TRIR: variants seen among roughly 807,000 people sequenced by gnomAD.
TRIR encodes telomerase RNA component-interacting RNase.
Under a neutral mutation model 18.2 loss-of-function variants are expected in TRIR, and 5 were observed. That is an observed-to-expected ratio of 0.27 (90% CI 0.14 to 0.58). The LOEUF is 0.58. TRIR is among the 20% of genes least tolerant of loss of function. The pLI, the probability that TRIR is intolerant of heterozygous loss-of-function variation, is 0.91. For synonymous variants in TRIR, 134 were observed against 114.4 expected (o/e 1.17, Z -1.10); for missense variants, 206 against 252.8 (o/e 0.81, Z 1.25).
At chr19:12,733,353 A>C (rs553886333) in intron 1 of TRIR, among the ~76,000 whole-genome samples, 9 of 152,312 alleles carry the variant, frequency 5.9e-5, no homozygotes, top group African/African-American at 1.7e-4. Context: ...CTTGATCTTA[A>C]CACCACAGAC....
chr19:12,731,788 T>C lies in TRIR; in HGVS notation c.346-367A>G, dbSNP rs925748797. 2.8e-5 allele frequency: 6 copies of C among 212,932 alleles called. No individual in the cohort carries two copies. The highest frequency in any genetic ancestry group is 4.6e-5 in the African/African-American group (2 of 43,260). 13.2% of individuals were successfully genotyped at this position (212,932 alleles called of 1,614,324 possible). ...TGCCAAGTGCTGTGGATGTATCATC[T>C]CCTTTCATTTTCACAGCTACCCTAA... is the stretch of plus-strand genomic sequence containing the variant. On this transcript the variant is annotated intron_variant, in intron 1 of 2. Coordinates refer to ENST00000242784, the MANE Select transcript of TRIR (RefSeq NM_024038.4). This position sits in a 1 kb window ranked among gnomAD's most constrained non-coding sequence, Gnocchi z 5.1.
At position 12,731,097 on chromosome 19, in the gene TRIR, G is replaced by C; in HGVS notation, c.424-29C>G. 1.3e-6 allele frequency: 2 copies of C among 1,582,306 alleles called. No homozygotes were observed. Among genetic ancestry groups the C allele is most frequent in the South Asian group, 1.1e-5 (1 of 90,290 alleles). ...TGGAAAGGGGATACGGGTTAGGACG[G>C]GGGTGCCAGGAACCAGGGTCAGGAC... On this transcript the variant is annotated intron_variant, in intron 2 of 2. Coordinates refer to ENST00000242784, the MANE Select transcript of TRIR (RefSeq NM_024038.4). This position sits in a 1 kb window ranked among gnomAD's most constrained non-coding sequence, Gnocchi z 5.1.
In TRIR at chr19:12,731,529, G is replaced by A. The variant is rs755503286; in HGVS notation, c.346-108C>T. 41 of 1,187,240 alleles carry A rather than the reference G, an allele frequency of 3.5e-5. No homozygotes were observed. Among genetic ancestry groups the A allele is most frequent in the African/African-American group, 3.1e-5 (2 of 64,774 alleles). The allele number at this position is 1,187,240 out of a possible 1,614,324, so 73.5% of individuals were successfully genotyped here. Reference sequence around the variant, plus strand: ...GCCCGGCCTGGTGGCCCGTCCTGACGCCGCGCCCAGCTCCGCCAGCCGGCC... The same window carrying A: ...GCCCGGCCTGGTGGCCCGTCCTGACACCGCGCCCAGCTCCGCCAGCCGGCC... On this transcript the variant is annotated intron_variant, in intron 1 of 2. Coordinates refer to ENST00000242784, the MANE Select transcript of TRIR (RefSeq NM_024038.4). This position sits in a 1 kb window ranked among gnomAD's most constrained non-coding sequence, Gnocchi z 5.1.
At position 12,731,319 on chromosome 19, in the gene TRIR, G is replaced by A. The variant is rs368117881; in HGVS notation, c.423+25C>T. The A allele has an allele frequency of 6.2e-6, 10 of 1,610,822 alleles. No homozygotes were observed. The African/African-American group carries it at 8.0e-5, about 13-fold the overall frequency. ...CTGGAAGGGAAAGGCAATGTGGGTGGACCCCCTGCACCAAGCTGGCTCACC... is the reference window on the plus strand; with the variant it reads ...CTGGAAGGGAAAGGCAATGTGGGTGAACCCCCTGCACCAAGCTGGCTCACC... On this transcript the variant is annotated intron_variant, in intron 2 of 2. Coordinates refer to ENST00000242784, the MANE Select transcript of TRIR (RefSeq NM_024038.4). The surrounding 1 kb of genome is among the most constrained non-coding windows in gnomAD (Gnocchi z 5.1).
rs1967484399 is a variant in TRIR at position 12,734,050 on chromosome 19, TC to T, written c.345+262del. The stretch of plus-strand genomic sequence containing the variant: ...TACCACTCAAACAGGAATCCTGATA[TC>T]CACGTTTCCTCATTCTCCACAGTGC... On this transcript the variant is annotated intron_variant, in intron 1 of 2. Coordinates refer to ENST00000242784, the MANE Select transcript of TRIR (RefSeq NM_024038.4). This position sits in a 1 kb window ranked among gnomAD's most constrained non-coding sequence, Gnocchi z 4.1. 6.6e-6 allele frequency among the ~76,000 whole-genome samples: 1 copy of T among 152,216 alleles called. No homozygotes were observed. The highest frequency in any genetic ancestry group is 6.5e-5 in the Admixed American group (1 of 15,282).
Position 12,734,550 on chromosome 19 carries a change from C to A in TRIR, c.108G>T (p.Ser36=). The stretch of plus-strand genomic sequence containing the variant: ...ACACCTCCTCGTCCCCGCTCTCGGG[C>A]GACGTCCCCGATCCCGACTCAGCCC... The part of the protein sequence containing the change: ...SRWAESGSGT[S]PESGDEEVSG... Residue 36 remains serine (S), a synonymous_variant, in exon 1 of 3, where the codon TCG becomes TCT. Coordinates refer to ENST00000242784, the MANE Select transcript of TRIR (RefSeq NM_024038.4). The surrounding 1 kb of genome is among the most constrained non-coding windows in gnomAD (Gnocchi z 4.1). The A allele has an allele frequency of 6.5e-7, 1 of 1,532,076 alleles. No homozygotes were observed. The allele number at this position is 1,532,076 out of a possible 1,614,324, so 94.9% of individuals were successfully genotyped here.
Position 12,730,910 on chromosome 19 carries a change from G to A in TRIR, c.*51C>T, listed in dbSNP as rs774769035. The A allele has an allele frequency of 6.6e-7, 1 of 1,518,492 alleles. No homozygotes were observed. Among genetic ancestry groups the A allele is most frequent in the South Asian group, 1.1e-5 (1 of 89,126 alleles). 94.1% of individuals were successfully genotyped at this position (1,518,492 alleles called of 1,614,324 possible). On this transcript the variant is annotated 3_prime_UTR_variant, in exon 3 of 3. Coordinates refer to ENST00000242784, the MANE Select transcript of TRIR (RefSeq NM_024038.4). The stretch of plus-strand genomic sequence containing the variant: ...GTCGCCGCTGCCGCTGCATTAAATA[G>A]TTATGTACATCGCAGAGAGTCCCAG...
chr19:12,734,376 C>A lies in TRIR; in HGVS notation c.282G>T (p.Ser94=). ...GATCCCCGGGGCCAGCGGCGGCGGCCGACTGGTCGGGTCGCTGCGGACCCG... is the reference window on the plus strand; with the variant it reads ...GATCCCCGGGGCCAGCGGCGGCGGCAGACTGGTCGGGTCGCTGCGGACCCG... ...PPPGPQRPDQ[S]AAAAGPGDPK... Residue 94 remains serine, a synonymous_variant, in exon 1 of 3, where the codon TCG becomes TCT. Transcript: ENST00000242784. The surrounding 1 kb of genome is among the most constrained non-coding windows in gnomAD (Gnocchi z 4.1). 6.8e-7 allele frequency: 1 copy of A among 1,480,716 alleles called. No individual in the cohort carries two copies. The highest frequency in any genetic ancestry group is 1.5e-5 in the African/African-American group (1 of 68,014). 91.7% of individuals were successfully genotyped at this position (1,480,716 alleles called of 1,614,324 possible).
rs766339455 is a variant in TRIR at position 12,731,316 on chromosome 19, G to A, written c.423+28C>T. 2 of 1,610,626 alleles carry A rather than the reference G, an allele frequency of 1.2e-6. No homozygotes were observed. Among genetic ancestry groups the A allele is most frequent in the South Asian group, 1.1e-5 (1 of 90,942 alleles). Reference sequence around the variant, plus strand: ...AAGCTGGAAGGGAAAGGCAATGTGGGTGGACCCCCTGCACCAAGCTGGCTC... The same window carrying A: ...AAGCTGGAAGGGAAAGGCAATGTGGATGGACCCCCTGCACCAAGCTGGCTC... On this transcript the variant is annotated intron_variant, in intron 2 of 2. Coordinates refer to ENST00000242784, the MANE Select transcript of TRIR (RefSeq NM_024038.4). This position sits in a 1 kb window ranked among gnomAD's most constrained non-coding sequence, Gnocchi z 5.1.
Position 12,734,424 on chromosome 19 carries a change from C to G in TRIR, c.234G>C (p.Arg78=). 6.6e-7 allele frequency: 1 copy of G among 1,524,058 alleles called. No individual in the cohort carries two copies. The highest frequency in any genetic ancestry group is 8.8e-7 in the Non-Finnish European group (1 of 1,136,548). 94.4% of individuals were successfully genotyped at this position (1,524,058 alleles called of 1,614,324 possible). Residue 78 remains arginine, a synonymous_variant, in exon 1 of 3, where the codon CGG becomes CGC. Transcript: ENST00000242784. This position sits in a 1 kb window ranked among gnomAD's most constrained non-coding sequence, Gnocchi z 4.1. ...LFKRKMEEEQ[R]QRQEEPPPGP... The stretch of plus-strand genomic sequence containing the variant: ...CCGGGGGCGGCTCCTCCTGCCGCTG[C>G]CGCTGCTCCTCCTCCATCTTCCGCT...
Position 12,734,414 on chromosome 19 carries a change from CCTGCCG to C in TRIR, c.238_243del (p.Arg80_Gln81del). On this transcript the variant is annotated inframe_deletion, in exon 1 of 3. Coordinates refer to ENST00000242784, the MANE Select transcript of TRIR (RefSeq NM_024038.4). The surrounding 1 kb of genome is among the most constrained non-coding windows in gnomAD (Gnocchi z 4.1). Reference sequence around the variant, plus strand: ...CGCTGCGGACCCGGGGGCGGCTCCTCCTGCCGCTGCCGCTGCTCCTCCTCCATCTTC... The same window carrying C: ...CGCTGCGGACCCGGGGGCGGCTCCTCCTGCCGCTGCTCCTCCTCCATCTTC... The C allele has an allele frequency of 1.3e-6, 2 of 1,520,992 alleles. No individual in the cohort carries two copies. The highest frequency in any genetic ancestry group is 8.8e-7 in the Non-Finnish European group (1 of 1,135,342). 94.2% of individuals were successfully genotyped at this position (1,520,992 alleles called of 1,614,324 possible).
Position 12,730,801 on chromosome 19 carries a change from TA to T in TRIR, c.*159del, listed in dbSNP as rs547046574. On this transcript the variant is annotated 3_prime_UTR_variant, in exon 3 of 3. Transcript: ENST00000242784. Reference sequence around the variant, plus strand: ...AGTCTCACGAGGCAAGTGCTCAAGGTAAAAAAAGAGTCCTGGAGAATCGTCC... The same window carrying T: ...AGTCTCACGAGGCAAGTGCTCAAGGTAAAAAAGAGTCCTGGAGAATCGTCC... The T allele has an allele frequency of 1.5e-6, 1 of 658,936 alleles. No homozygotes were observed. The highest frequency in any genetic ancestry group is 2.6e-6 in the Non-Finnish European group (1 of 378,588). The allele number at this position is 658,936 out of a possible 1,614,324, so 40.8% of individuals were successfully genotyped here.
At chr19:12,732,140 A>G (rs967301005) in intron 1 of TRIR, among the ~76,000 whole-genome samples, 7 of 150,058 alleles carry the variant, frequency 4.7e-5, no homozygotes, top group East Asian at 2.0e-4. Context: ...AAAAAAAAAA[A>G]AAAGAAAAGA....
intron 1 of TRIR, among the ~76,000 whole-genome samples, chr19:12,733,712 G>C (rs894583254): frequency 1.3e-5 from 2 of 152,134 alleles, no homozygotes; most frequent in Non-Finnish European, 2.9e-5. Context: ...CACATCAAGA[G>C]ATGCTATGAT....
Position 12,731,711 on chromosome 19 carries a change from A to C in TRIR, c.346-290T>G. 1 of 444,296 alleles carries C rather than the reference A, an allele frequency of 2.3e-6. No individual in the cohort carries two copies. Among genetic ancestry groups the C allele is most frequent in the Non-Finnish European group, 4.0e-6 (1 of 248,018 alleles). The allele number at this position is 444,296 out of a possible 1,614,324, so 27.5% of individuals were successfully genotyped here. A position where few individuals can be genotyped will look rare whatever the true frequency, so the allele number is the denominator to read the frequency against. ...CCTCACCCTCCCTAGCAGGGACCACAAGAGGTGGCAACAGCTCCCTTTATT... is the reference window on the plus strand; with the variant it reads ...CCTCACCCTCCCTAGCAGGGACCACCAGAGGTGGCAACAGCTCCCTTTATT... On this transcript the variant is annotated intron_variant, in intron 1 of 2. Transcript: ENST00000242784. The surrounding 1 kb of genome is among the most constrained non-coding windows in gnomAD (Gnocchi z 5.1).
intron 1 of TRIR, among the ~76,000 whole-genome samples, chr19:12,733,938 G>C (rs1228947515): frequency 6.6e-6 from 1 of 152,220 alleles, no homozygotes; most frequent in East Asian, 1.9e-4. Context: ...TACGTGGTCT[G>C]AGTCTAACAC....
rs968173806 is a variant in TRIR at position 12,731,741 on chromosome 19, A to G, written c.346-320T>C. Reference sequence around the variant, plus strand: ...GTGGCAACAGCTCCCTTTATTGAGCATGTACTGTATGCCAAGCCCTGTGCC... The same window carrying G: ...GTGGCAACAGCTCCCTTTATTGAGCGTGTACTGTATGCCAAGCCCTGTGCC... On this transcript the variant is annotated intron_variant, in intron 1 of 2. Coordinates refer to ENST00000242784, the MANE Select transcript of TRIR (RefSeq NM_024038.4). This position sits in a 1 kb window ranked among gnomAD's most constrained non-coding sequence, Gnocchi z 5.1. 36 of 351,186 alleles carry G rather than the reference A, an allele frequency of 1.0e-4. 1 individual carries two copies. The Middle Eastern group carries it at 2.4e-3, about 24-fold the overall frequency. The allele number at this position is 351,186 out of a possible 1,614,324, so 21.8% of individuals were successfully genotyped here.
chr19:12,734,249 C>T lies in TRIR; in HGVS notation c.345+64G>A. The T allele has an allele frequency of 7.4e-7, 1 of 1,350,524 alleles. No homozygotes were observed. The highest frequency in any genetic ancestry group is 1.7e-5 in the South Asian group (1 of 60,534). 83.7% of individuals were successfully genotyped at this position (1,350,524 alleles called of 1,614,324 possible). A position where few individuals can be genotyped will look rare whatever the true frequency, so the allele number is the denominator to read the frequency against. On this transcript the variant is annotated intron_variant, in intron 1 of 2. Coordinates refer to ENST00000242784, the MANE Select transcript of TRIR (RefSeq NM_024038.4). This position sits in a 1 kb window ranked among gnomAD's most constrained non-coding sequence, Gnocchi z 4.1. Reference sequence around the variant, plus strand: ...GGACTTCGGTCCCGATCCCCCTTCACGGGCCCCGACTCCCGCTGCCAAGAC... The same window carrying T: ...GGACTTCGGTCCCGATCCCCCTTCATGGGCCCCGACTCCCGCTGCCAAGAC...
At chr19:12,733,962 T>A (rs1371810495) in intron 1 of TRIR, among the ~76,000 whole-genome samples, 1 of 152,092 alleles carries the variant, frequency 6.6e-6, no homozygotes, top group Non-Finnish European at 1.5e-5. Context: ...TAGCTCAGAG[T>A]CCAGACTTAA....
Sources: allele counts gnomAD v4.1 joint callset (sites outside exome capture counted in the v4.1 genomes callset), GRCh38; gene constraint gnomAD v4.1.1; non-coding constraint Gnocchi (gnomAD v3.1); transcripts MANE v1.5; gene names NCBI Gene and HGNC (gene_info 2026-07-23, HGNC 2026-07-21).